The following AP3B1 variants were observed in gnomAD, a reference collection of about 807,000 sequenced individuals.
The protein encoded by AP3B1 is AP-3 complex subunit beta-1.
A neutral mutation model predicts 132.5 loss-of-function variants in AP3B1; 61 were observed. That is an observed-to-expected ratio of 0.46 (90% confidence interval 0.37 to 0.57). AP3B1 has a LOEUF of 0.57. Ranked by LOEUF, AP3B1 falls within the 20% of genes least tolerant of loss-of-function variation. AP3B1 has a pLI of 0.00. For synonymous variants in AP3B1, 388 were observed against 438.3 expected (o/e 0.89, Z 1.43); for missense variants, 1,120 against 1,289.4 (o/e 0.87, Z 2.01).
intron 22 of AP3B1, among the ~76,000 whole-genome samples, chr5:78,054,156 G>A (rs1748707545): frequency 6.6e-6 from 1 of 152,190 alleles, no homozygotes; most frequent in Admixed American, 6.5e-5. Context: ...AAGGGAGTGA[G>A]TTAAGATTTC....
chr5:78,203,814 A>G (rs1745396884), intron 7 of AP3B1, among the ~76,000 whole-genome samples: 1 of 152,152 alleles, frequency 6.6e-6, no homozygotes, highest in African/African-American at 2.4e-5. Context: ...TAGACTAGAT[A>G]ATCTCAATTG....
intron 22 of AP3B1, among the ~76,000 whole-genome samples, chr5:78,045,160 C>T (rs1413675006): frequency 1.3e-5 from 2 of 152,092 alleles, no homozygotes; most frequent in African/African-American, 4.8e-5. Flanking sequence ...ATGGGTGGAT[C>T]ACTTGAGGTC....
intron 2 of AP3B1, among the ~76,000 whole-genome samples, chr5:78,259,984 CA>C (rs945752964): frequency 1.3e-5 from 2 of 148,588 alleles, no homozygotes; most frequent in African/African-American, 2.5e-5. Flanking sequence ...AAACAAAAAA[CA>C]AAAAAAAATT....
intron 22 of AP3B1, among the ~76,000 whole-genome samples, chr5:78,041,726 T>C (rs1748097246): frequency 6.6e-6 from 1 of 152,144 alleles, no homozygotes; most frequent in African/African-American, 2.4e-5. Context: ...AACAATCTAG[T>C]ATTTTAAGTT....
chr5:78,123,042 G>A lies in AP3B1; in HGVS notation c.1968+4988C>T, dbSNP rs889420855. On this transcript the variant is annotated intron_variant, in intron 17 of 26. Transcript: ENST00000255194. ...GAACAGAGCCCTCAGAAATAATGCC[G>A]CATATCTACAACCATCTGATCTTTG... Among the ~76,000 whole-genome samples the A allele has an allele frequency of 6.9e-3, 1,044 of 152,140 alleles. 11 individuals are homozygous for A. Among genetic ancestry groups the A allele is most frequent in the African/African-American group, 0.023 (963 of 41,502 alleles).
intron 26 of AP3B1, among the ~76,000 whole-genome samples, chr5:78,015,022 C>A (rs1746798988): frequency 6.6e-6 from 1 of 152,142 alleles, no homozygotes; most frequent in Admixed American, 6.5e-5. Context: ...AGTACCCAAA[C>A]GTCCTCCCTT....
intron 22 of AP3B1, among the ~76,000 whole-genome samples, chr5:78,085,307 C>A (rs1750191883): frequency 6.6e-6 from 1 of 152,134 alleles, no homozygotes; most frequent in Non-Finnish European, 1.5e-5. Context: ...TTCATTACTA[C>A]CACTGAACCT....
intron 1 of AP3B1, among the ~76,000 whole-genome samples, chr5:78,276,110 G>A (rs1445867563): frequency 6.6e-6 from 1 of 151,674 alleles, no homozygotes; most frequent in African/African-American, 2.4e-5. Context: ...CTATTGCCCA[G>A]GCTGGAGTGC....
rs575443454 is a variant in AP3B1, at chr5:78,035,918, C to T, written c.2810-1473G>A. On this transcript the variant is annotated intron_variant, in intron 23 of 26. Coordinates refer to ENST00000255194, the MANE Select transcript of AP3B1 (RefSeq NM_003664.5). ...ACAGTTTAGAGCTTTGTCAGTCACA[C>T]GCTGCTCCAGGCTATTCTTGAGTGA... 1.5e-3 allele frequency among the ~76,000 whole-genome samples: 229 copies of T among 152,182 alleles called. 2 individuals carry two copies. The highest frequency in any genetic ancestry group is 4.4e-3 in the Admixed American group (67 of 15,284).
chr5:78,198,230 C>T (rs949299690), intron 7 of AP3B1, among the ~76,000 whole-genome samples: 1 of 152,158 alleles, frequency 6.6e-6, no homozygotes, highest in African/African-American at 2.4e-5. Context: ...ATCTCTGCAA[C>T]CTGCTGTGGC....
Position 78,071,114 on chromosome 5 carries a change from T to G in AP3B1, c.2577+18279A>C, listed in dbSNP as rs142510010. On this transcript the variant is annotated intron_variant, in intron 22 of 26. Coordinates refer to ENST00000255194, the MANE Select transcript of AP3B1 (RefSeq NM_003664.5). ...TTATAAAGATCCATGCACACATATG[T>G]TCATTGCAGCACTATTCACAACAAC... 8.4e-3 allele frequency among the ~76,000 whole-genome samples: 1,276 copies of G among 152,302 alleles called. 11 individuals carry two copies. Among genetic ancestry groups the G allele is most frequent in the Middle Eastern group, 0.024 (7 of 292 alleles).
chr5:78,098,520 T>C (rs1451446498), intron 21 of AP3B1, among the ~76,000 whole-genome samples: 1 of 152,210 alleles, frequency 6.6e-6, no homozygotes, highest in East Asian at 1.9e-4. Context: ...TGTTATTCTT[T>C]TACAATTTTA....
chr5:78,022,318 C>T (rs975206286), intron 24 of AP3B1, among the ~76,000 whole-genome samples: 1 of 152,152 alleles, frequency 6.6e-6, no homozygotes, highest in African/African-American at 2.4e-5. Context: ...GAATGGCAGG[C>T]ACTACCTTAG....
intron 11 of AP3B1, among the ~76,000 whole-genome samples, chr5:78,168,747 A>G (rs1743769646): frequency 6.6e-6 from 1 of 152,158 alleles, no homozygotes; most frequent in Non-Finnish European, 1.5e-5. Flanking sequence ...TTACTTTCAC[A>G]CAATTGTCAC....
At chr5:78,084,174 T>C (rs971795335) in intron 22 of AP3B1, among the ~76,000 whole-genome samples, 6 of 152,094 alleles carry the variant, frequency 3.9e-5, no homozygotes, top group Admixed American at 6.6e-5. Flanking sequence ...ATTTGCTCAA[T>C]ATCACCCAAT....
intron 6 of AP3B1, among the ~76,000 whole-genome samples, chr5:78,216,490 G>A (rs1437235453): frequency 6.6e-6 from 1 of 152,010 alleles, no homozygotes; most frequent in Non-Finnish European, 1.5e-5. Flanking sequence ...TATTTCACCA[G>A]GTTAAATTTC....
At chr5:78,076,881 C>T (rs1472438910) in intron 22 of AP3B1, among the ~76,000 whole-genome samples, 1 of 152,092 alleles carries the variant, frequency 6.6e-6, no homozygotes, top group East Asian at 1.9e-4. Flanking sequence ...TAGAATCTGC[C>T]CTAGGTGTGT....
At chr5:78,228,895 A>G (rs190709367) in intron 3 of AP3B1, among the ~76,000 whole-genome samples, 1 of 152,224 alleles carries the variant, frequency 6.6e-6, no homozygotes, top group African/African-American at 2.4e-5. Flanking sequence ...TAAAAATTCA[A>G]GAAGATTGGA....
At chr5:78,070,205 A>T (rs1297556061) in intron 22 of AP3B1, among the ~76,000 whole-genome samples, 1 of 151,886 alleles carries the variant, frequency 6.6e-6, no homozygotes, top group Non-Finnish European at 1.5e-5. Context: ...TCAGGAGTTC[A>T]AGAACAGCCT....
Sources: gnomAD v4.1 joint callset for allele counts (sites outside exome capture counted in the v4.1 genomes callset) on GRCh38, gnomAD v4.1.1 for gene constraint, MANE v1.5 for transcripts, NCBI Gene and HGNC (gene_info 2026-07-23, HGNC 2026-07-21) for gene names.